The following TRPM3 variants were observed in gnomAD, a reference collection of about 807,000 sequenced individuals.
TRPM3 encodes the protein long transient receptor potential channel 3.
Under a neutral mutation model 181.2 loss-of-function variants are expected in TRPM3, and 77 were observed. The observed-to-expected ratio is 0.42, with a 90% confidence interval of 0.35 to 0.51. The LOEUF is 0.51. TRPM3 is among the 20% of genes least tolerant of loss of function. The pLI is 0.01. For missense variants in TRPM3, 1,759 were observed against 2,196.7 expected (o/e 0.80, Z 3.98); for synonymous variants, 745 against 796.4 (o/e 0.94, Z 1.09).
chr9:71,296,517 G>A (rs1241125467), intron 1 of TRPM3, among the ~76,000 whole-genome samples: 1 of 152,184 alleles, frequency 6.6e-6, no homozygotes, highest in Non-Finnish European at 1.5e-5. Flanking sequence ...ACAGCAAGGA[G>A]AGAACAAGGT....
intron 22 of TRPM3, among the ~76,000 whole-genome samples, chr9:70,558,120 A>C (rs530703676): frequency 6.6e-6 from 1 of 152,180 alleles, no homozygotes; most frequent in Non-Finnish European, 1.5e-5. Flanking sequence ...ACTTTTGTTG[A>C]AACTAGTATA....
chr9:70,924,403 G>T (rs933752584), intron 1 of TRPM3, among the ~76,000 whole-genome samples: 6 of 152,004 alleles, frequency 3.9e-5, no homozygotes, highest in African/African-American at 1.2e-4. Flanking sequence ...ATTTAATGCT[G>T]TACAACAGTT....
intron 1 of TRPM3, among the ~76,000 whole-genome samples, chr9:71,220,945 T>G (rs965322214): frequency 9.1e-4 from 139 of 152,216 alleles, no homozygotes; most frequent in African/African-American, 3.2e-3. Context: ...TCATGACTCT[T>G]TCTTTTGGGG....
intron 1 of TRPM3, among the ~76,000 whole-genome samples, chr9:70,918,738 A>G (rs1376418613): frequency 1.3e-5 from 2 of 152,198 alleles, no homozygotes; most frequent in Non-Finnish European, 2.9e-5. Context: ...GCAAACCCAA[A>G]ATTAGTAGAA....
At chr9:71,144,417 C>T (rs568589992) in intron 1 of TRPM3, among the ~76,000 whole-genome samples, 1 of 152,306 alleles carries the variant, frequency 6.6e-6, no homozygotes, top group South Asian at 2.1e-4. Flanking sequence ...TTTTCTCTTT[C>T]CTTCTTAAAT....
At chr9:71,269,045 G>A (rs2083592780) in intron 1 of TRPM3, among the ~76,000 whole-genome samples, 1 of 152,144 alleles carries the variant, frequency 6.6e-6, no homozygotes, top group African/African-American at 2.4e-5. Context: ...AAGTACACGG[G>A]GGCGGGCAGA....
intron 25 of TRPM3, among the ~76,000 whole-genome samples, chr9:70,539,499 T>A (rs1233381294): frequency 6.7e-6 from 1 of 149,386 alleles, no homozygotes; most frequent in Admixed American, 6.7e-5. Context: ...TGCTCCCTCC[T>A]GCTGCCCCAT....
intron 1 of TRPM3, among the ~76,000 whole-genome samples, chr9:71,279,034 T>TAAAAAAAAAAAAAAAAAAAAAAAAAA (rs200421016): frequency 2.1e-5 from 1 of 47,572 alleles, no homozygotes; most frequent in African/African-American, 1.0e-4. Context: ...CCTGCTTAGG[T>TAAAAAAAAAAAAAAAAAAAAAAAAAA]TAAAAAAAAT....
chr9:71,215,200 G>T (rs890872316), intron 1 of TRPM3, among the ~76,000 whole-genome samples: 2 of 152,110 alleles, frequency 1.3e-5, no homozygotes, highest in African/African-American at 4.8e-5. Flanking sequence ...ATTTGCACTA[G>T]AAATCAAATT....
chr9:70,924,773 G>A (rs2096703940), intron 1 of TRPM3, among the ~76,000 whole-genome samples: 3 of 152,148 alleles, frequency 2.0e-5, no homozygotes, highest in South Asian at 2.1e-4. Context: ...TGAATGTTAA[G>A]TACTTTAATA....
intron 1 of TRPM3, among the ~76,000 whole-genome samples, chr9:71,298,451 G>A (rs1288028643): frequency 6.6e-6 from 1 of 151,094 alleles, no homozygotes; most frequent in Non-Finnish European, 1.5e-5. Context: ...CACAAGGAAG[G>A]ACATTCAAAA....
At chr9:71,423,621 CA>C (rs776393315) in intron 1 of TRPM3, among the ~76,000 whole-genome samples, 4 of 151,974 alleles carry the variant, frequency 2.6e-5, no homozygotes, top group Admixed American at 6.6e-5. Context: ...TCTAGAAAAA[CA>C]AGAAAACAAA....
At chr9:70,544,285 G>T (rs2044286824) in intron 25 of TRPM3, among the ~76,000 whole-genome samples, 1 of 152,124 alleles carries the variant, frequency 6.6e-6, no homozygotes, top group Non-Finnish European at 1.5e-5. Context: ...CTCAGTAGTA[G>T]GTAATTAAAC....
rs187075932 is a variant in TRPM3 at position 71,081,994 on chromosome 9, G to A, written c.177+39184C>T. Reference sequence around the variant, plus strand: ...TTTACTAGCAGAACTGTATGTCCTCGCACAGATGTAACAACCTCAATGTTT... The same window carrying A: ...TTTACTAGCAGAACTGTATGTCCTCACACAGATGTAACAACCTCAATGTTT... On this transcript the variant is annotated intron_variant, in intron 1 of 25. Coordinates refer to ENST00000677713, the MANE Select transcript of TRPM3 (RefSeq NM_001366145.2). Among the ~76,000 whole-genome samples, 29 of 152,102 alleles carry A rather than the reference G, an allele frequency of 1.9e-4. 1 individual carries two copies. Among genetic ancestry groups the A allele is most frequent in the South Asian group, 1.0e-3 (5 of 4,818 alleles).
At chr9:71,182,214 GA>G (rs2077444948) in intron 1 of TRPM3, among the ~76,000 whole-genome samples, 1 of 151,950 alleles carries the variant, frequency 6.6e-6, no homozygotes. Flanking sequence ...TTCTTAAATT[GA>G]AGTCATAGCA....
chr9:71,265,005 T>C (rs117704591), intron 1 of TRPM3, among the ~76,000 whole-genome samples: 1,970 of 152,302 alleles, frequency 0.013, 18 homozygotes, highest in South Asian at 0.051. Flanking sequence ...CAAAGAAATG[T>C]ATTTAATTTG....
intron 1 of TRPM3, among the ~76,000 whole-genome samples, chr9:71,159,695 T>TGTCA (rs2076185044): frequency 1.3e-5 from 2 of 152,124 alleles, no homozygotes; most frequent in Non-Finnish European, 1.5e-5. Context: ...CGTGGGTATA[T>TGTCA]GTCAATACAG....
At chr9:70,906,832 G>A (rs2096472491) in intron 1 of TRPM3, among the ~76,000 whole-genome samples, 1 of 152,164 alleles carries the variant, frequency 6.6e-6, no homozygotes, top group African/African-American at 2.4e-5. Context: ...GAACCCGGGA[G>A]GCAGAGGTGG....
chr9:70,811,113 G>A, intron 6 of TRPM3: 2 of 1,358,052 alleles, frequency 1.5e-6, no homozygotes, highest in Non-Finnish European at 2.1e-6. Context: ...GAAGACTTCT[G>A]TGGTTAATTT....
Sources: allele counts gnomAD v4.1 joint callset (sites outside exome capture counted in the v4.1 genomes callset), GRCh38; gene constraint gnomAD v4.1.1; transcripts MANE v1.5; gene names NCBI Gene and HGNC (gene_info 2026-07-23, HGNC 2026-07-21).